Variants in LDB3 observed in about 807,000 individuals in gnomAD.
The protein encoded by LDB3 is LIM domain binding 3.
Under a neutral mutation model 69.0 loss-of-function variants are expected in LDB3, and 49 were observed. The observed-to-expected ratio is 0.71, with a 90% CI of 0.56 to 0.90. The LOEUF is 0.90. LDB3 is among the 40% of genes least tolerant of loss of function. The probability of loss-of-function intolerance (pLI) is 0.00; values close to 1 mark genes in which losing one functional copy is unlikely to be tolerated. For missense variants in LDB3, 928 were observed against 974.1 expected, an observed-to-expected ratio of 0.95 and a Z score of 0.63; for synonymous variants, 387 against 396.2, an observed-to-expected ratio of 0.98 and a Z score of 0.28.
chr10:86,696,258 T>C (rs985581659), intron 7 of LDB3, among the ~76,000 whole-genome samples: 1 of 151,966 alleles, frequency 6.6e-6, no homozygotes, highest in Non-Finnish European at 1.5e-5. Context: ...CATAGGGCCC[T>C]CCTGCCAATG....
intron 8 of LDB3, among the ~76,000 whole-genome samples, chr10:86,709,156 G>A (rs1286375824): frequency 6.6e-6 from 1 of 152,196 alleles, no homozygotes; most frequent in East Asian, 1.9e-4. Context: ...AGGCTCAACA[G>A]GCCGCTGGAT....
intron 5 of LDB3, chr10:86,685,541 T>G: frequency 1.2e-6 from 1 of 839,934 alleles, no homozygotes; most frequent in Non-Finnish European, 2.1e-6. Context: ...TCCTCACTCC[T>G]TGCTCTCCTC....
chr10:86,677,934 G>A (rs12251776), intron 2 of LDB3, among the ~76,000 whole-genome samples: 2,120 of 152,348 alleles, frequency 0.014, 51 homozygotes, highest in African/African-American at 0.049. Flanking sequence ...TGTCTTAGCT[G>A]CTGCATCTCC....
chr10:86,681,146 C>G lies in LDB3; in HGVS notation c.322-290C>G, dbSNP rs11813013. On this transcript the variant is annotated intron_variant, in intron 4 of 13. Coordinates refer to ENST00000361373, the MANE Select transcript of LDB3 (RefSeq NM_007078.3). ...GACACAGAACGGGCCATCCCCTGACCCCTACACCCACTTCCTCGGGCCCTG... is the reference window on the plus strand; with the variant it reads ...GACACAGAACGGGCCATCCCCTGACGCCTACACCCACTTCCTCGGGCCCTG... Among the ~76,000 whole-genome samples, 3,196 of 152,326 alleles carry G rather than the reference C, an allele frequency of 0.021. 113 individuals are homozygous for G. The highest frequency in any genetic ancestry group is 0.074 in the African/African-American group (3,072 of 41,580).
Position 86,716,592 on chromosome 10 carries a change from G to C in LDB3, c.1497G>C (p.Lys499Asn), listed in dbSNP as rs1278770988. 9 of 1,613,836 alleles carry C rather than the reference G, an allele frequency of 5.6e-6. No homozygotes were observed. Among genetic ancestry groups the C allele is most frequent in the Middle Eastern group, 1.6e-4 (1 of 6,062 alleles). ...PWVTDDSFSQ[K>N]FAPGKSTTSI... ...TGACAGATGATAGCTTCTCCCAGAAGTTTGCCCCGGGCAAGAGCACCACCT... is the reference window on the plus strand; with the variant it reads ...TGACAGATGATAGCTTCTCCCAGAACTTTGCCCCGGGCAAGAGCACCACCT... Residue 499 changes from lysine to asparagine, a missense_variant, in exon 10 of 14, where the codon AAG becomes AAC. Coordinates refer to ENST00000361373, the MANE Select transcript of LDB3 (RefSeq NM_007078.3).
In LDB3 at chr10:86,699,302, C is replaced by G. The variant is rs372789789; in HGVS notation, c.896+6731C>G. ...GGGAAAGGTTTGAAACGGAACGTAA[C>G]AGCCCACGTTTTGCCAAATTGCGCA... On this transcript the variant is annotated intron_variant, in intron 7 of 13. Transcript: ENST00000361373. The surrounding 1 kb of genome is among the most constrained non-coding windows in gnomAD (Gnocchi z 4.9). 1 of 1,613,730 alleles carries G rather than the reference C, an allele frequency of 6.2e-7. No homozygotes were observed. Among genetic ancestry groups the G allele is most frequent in the Admixed American group, 1.7e-5 (1 of 60,000 alleles).
At chr10:86,668,625 C>A in intron 1 of LDB3, 44 bp from the exon 2 acceptor site, 1 of 1,247,512 alleles carries the variant, frequency 8.0e-7, no homozygotes, top group Non-Finnish European at 1.2e-6. Flanking sequence ...AGGCGGAGTG[C>A]CTGAGTGCCC....
chr10:86,690,783 C>T (rs1287784132), intron 5 of LDB3, among the ~76,000 whole-genome samples: 1 of 152,372 alleles, frequency 6.6e-6, no homozygotes, highest in East Asian at 1.9e-4. Context: ...CAGAAGTAGC[C>T]TTCCTGAGCC....
At chr10:86,715,757 C>T (rs985630040) in intron 9 of LDB3, among the ~76,000 whole-genome samples, 15 of 152,040 alleles carry the variant, frequency 9.9e-5, no homozygotes, top group African/African-American at 3.6e-4. Flanking sequence ...GAATTGCCCC[C>T]CAATACAAAT....
intron 4 of LDB3, 52 bp downstream of exon 4, chr10:86,680,209 C>T (rs1335483183): frequency 6.5e-7 from 1 of 1,532,638 alleles, no homozygotes; most frequent in Non-Finnish European, 9.0e-7. Flanking sequence ...TCCTGGAGTG[C>T]TGGCCCTGGC....
chr10:86,694,726 G>A (rs1845926591), intron 7 of LDB3, among the ~76,000 whole-genome samples: 1 of 152,232 alleles, frequency 6.6e-6, no homozygotes, highest in African/African-American at 2.4e-5. Flanking sequence ...GTCTGTGATT[G>A]AAGCCTAAAG....
At chr10:86,691,668 C>G (rs1589643268) in intron 5 of LDB3, among the ~76,000 whole-genome samples, 1 of 115,184 alleles carries the variant, frequency 8.7e-6, no homozygotes, top group African/African-American at 4.1e-5. Flanking sequence ...CCTGAGGGAT[C>G]TGAGCCTCCT....
In LDB3 at chr10:86,726,194, G is replaced by T; in HGVS notation, c.2036G>T (p.Gly679Val). ...GGCTGCGATTTCCCCGTGGAGGCTG[G>T]CGACAAGTTTATCGAAGCCCTGGGC... Reference protein sequence around the residue: ...CHGCDFPVEAGDKFIEALGHT... With the variant: ...CHGCDFPVEAVDKFIEALGHT... The change falls in exon 13 of 14, where the codon GGC becomes GTC. Residue 679 changes from glycine (G) to valine (V), a missense_variant. Physicochemically the swap from Gly to Val is moderately radical, Grantham distance 109. Transcript: ENST00000361373. 6.2e-7 allele frequency: 1 copy of T among 1,614,084 alleles called. No individual in the cohort carries two copies. Among genetic ancestry groups the T allele is most frequent in the Middle Eastern group, 1.7e-4 (1 of 5,998 alleles).
At chr10:86,700,168 G>A (rs907315072) in intron 7 of LDB3, 4 of 640,488 alleles carry the variant, frequency 6.2e-6, no homozygotes, top group South Asian at 6.9e-5. Context: ...TGTGTCCACC[G>A]GCCCCAGGAC....
At position 86,731,458 on chromosome 10, in the gene LDB3, C is replaced by T. The variant is rs1050317791; in HGVS notation, c.2095-1429C>T. The stretch of plus-strand genomic sequence containing the variant: ...CAGGCTGATCTCAAACTCCTGATCT[C>T]GTGGTCCTCCTGCCTCGGCCTTCCA... On this transcript the variant is annotated intron_variant, in intron 13 of 13. Coordinates refer to ENST00000361373, the MANE Select transcript of LDB3 (RefSeq NM_007078.3). 4.6e-5 allele frequency among the ~76,000 whole-genome samples: 7 copies of T among 151,978 alleles called. No homozygotes were observed. In the South Asian group the frequency reaches 6.2e-4, roughly 14 times the overall value.
At chr10:86,726,098 C>T (rs1205989622) in intron 12 of LDB3, 39 bp from the exon 13 acceptor site, 1 of 1,488,456 alleles carries the variant, frequency 6.7e-7, no homozygotes, top group Non-Finnish European at 9.4e-7. Context: ...CCCGCTGCCC[C>T]CACTGGGTGC....
At position 86,732,868 on chromosome 10, in the gene LDB3, G is replaced by C. The variant is rs555600975; in HGVS notation, c.2095-19G>C. The C allele has an allele frequency of 1.9e-6, 3 of 1,607,712 alleles. No individual in the cohort carries two copies. The South Asian group carries it at 3.3e-5, about 18-fold the overall frequency. On this transcript the variant is annotated intron_variant, in intron 13 of 13. Coordinates refer to ENST00000361373, the MANE Select transcript of LDB3 (RefSeq NM_007078.3). ...CCCTGTGCCACGTGGGTCTCACGCA[G>C]GTCTGTTCTCTGCTCCAGGTCTGCC...
rs1457575522 is a variant in LDB3 at position 86,733,111 on chromosome 10, T to G, written c.*135T>G. On this transcript the variant is annotated 3_prime_UTR_variant, in exon 14 of 14. Coordinates refer to ENST00000361373, the MANE Select transcript of LDB3 (RefSeq NM_007078.3). The stretch of plus-strand genomic sequence containing the variant: ...CGACTGAGCCCTTTGGAAGTATAAT[T>G]TTAGGTTTTTTCTTCTGTACACAGA... 1.4e-6 allele frequency: 1 copy of G among 714,570 alleles called. No homozygotes were observed. The highest frequency in any genetic ancestry group is 2.5e-6 in the Non-Finnish European group (1 of 402,048). The allele number at this position is 714,570 out of a possible 1,614,324, so 44.3% of individuals were successfully genotyped here.
At position 86,716,496 on chromosome 10, in the gene LDB3, C is replaced by T; in HGVS notation, c.1401C>T (p.Pro467=). 1.2e-6 allele frequency: 2 copies of T among 1,612,206 alleles called. No individual in the cohort carries two copies. The highest frequency in any genetic ancestry group is 2.2e-5 in the South Asian group (2 of 90,966). The stretch of plus-strand genomic sequence containing the variant: ...CAGCCTATACCCCCTCACCTGCCCC[C>T]AACTATAACCCTGCACCCTCGGTGG... ...PAPAYTPSPA[P]NYNPAPSVAY... is the part of the protein sequence containing the mutation. Residue 467 remains proline, a synonymous_variant, in exon 10 of 14, where the codon CCC becomes CCT. Transcript: ENST00000361373.
Sources: gnomAD v4.1 joint callset for allele counts (sites outside exome capture counted in the v4.1 genomes callset) on GRCh38, gnomAD v4.1.1 for gene constraint, Gnocchi (gnomAD v3.1) non-coding constraint, MANE v1.5 for transcripts, NCBI Gene and HGNC (gene_info 2026-07-23, HGNC 2026-07-21) for gene names.